The following PIAS1 variants were observed in gnomAD, a reference collection of about 807,000 sequenced individuals.
PIAS1 encodes the protein E3 SUMO-protein ligase PIAS1.
A neutral mutation model predicts 71.3 loss-of-function variants in PIAS1; 6 were observed. The ratio of observed to expected loss-of-function variants is 0.08; its 90% confidence interval spans 0.05 to 0.17. The LOEUF (loss-of-function observed/expected upper bound fraction) is 0.17. PIAS1 is among the 10% of genes least tolerant of loss of function. PIAS1 has a pLI of 1.00. For synonymous variants in PIAS1, 303 were observed against 292.9 expected, an observed-to-expected ratio of 1.03 and a Z score of -0.35; for missense variants, 555 against 793.6, an observed-to-expected ratio of 0.70 and a Z score of 3.61.
intron 2 of PIAS1, among the ~76,000 whole-genome samples, chr15:68,112,317 A>G (rs1185441114): frequency 6.6e-5 from 10 of 152,124 alleles, no homozygotes; most frequent in Non-Finnish European, 8.8e-5. Flanking sequence ...TAAAAAAACT[A>G]CTTTTCTCCT....
intron 2 of PIAS1, among the ~76,000 whole-genome samples, chr15:68,124,407 T>C (rs992695010): frequency 2.5e-5 from 1 of 40,140 alleles, no homozygotes. Context: ...TTGTTTTTTG[T>C]TTTTTTTTTT....
chr15:68,097,977 TATAGGGCTCTA>T (rs1354073287), intron 2 of PIAS1, among the ~76,000 whole-genome samples: 3 of 152,174 alleles, frequency 2.0e-5, no homozygotes, highest in Non-Finnish European at 4.4e-5. Context: ...TTTACATGAG[TATAGGGCTCTA>T]ATTTTATTTT....
intron 7 of PIAS1, among the ~76,000 whole-genome samples, chr15:68,160,338 A>AT (rs2092916942): frequency 6.6e-6 from 1 of 152,134 alleles, no homozygotes; most frequent in Non-Finnish European, 1.5e-5. Context: ...AGATATCGAA[A>AT]TATTCCAACA....
At chr15:68,176,404 G>C (rs532778957) in intron 10 of PIAS1, 70 bp from the exon 11 acceptor site, 2 of 1,014,188 alleles carry the variant, frequency 2.0e-6, no homozygotes, top group African/African-American at 3.3e-5. Flanking sequence ...CTGATAAACT[G>C]TAGTGACACT....
chr15:68,095,144 G>A (rs1195678704), intron 2 of PIAS1, among the ~76,000 whole-genome samples: 2 of 152,100 alleles, frequency 1.3e-5, no homozygotes, highest in East Asian at 3.9e-4. Flanking sequence ...GAGAGATTAA[G>A]GAGCCAAACA....
At chr15:68,088,176 G>GTGTGTGTATATATATATATATATA (rs150997979) in intron 2 of PIAS1, among the ~76,000 whole-genome samples, 9 of 72,990 alleles carry the variant, frequency 1.2e-4, no homozygotes, top group African/African-American at 5.6e-4. Flanking sequence ...TTATGTGTGT[G>GTGTGTGTATATATATATATATATA]TATATATATA....
chr15:68,131,273 A>G (rs1445273705), intron 2 of PIAS1, among the ~76,000 whole-genome samples: 1 of 152,160 alleles, frequency 6.6e-6, no homozygotes, highest in Non-Finnish European at 1.5e-5. Flanking sequence ...AAAATTATAG[A>G]TGTATATATT....
chr15:68,075,366 G>A (rs1308839165), intron 1 of PIAS1, among the ~76,000 whole-genome samples: 3 of 152,076 alleles, frequency 2.0e-5, no homozygotes, highest in Non-Finnish European at 1.5e-5. Flanking sequence ...GATTACAGGC[G>A]TGAGCCACTG....
rs144073868 is a variant in PIAS1, at chr15:68,145,500, G to A, written c.603-316G>A. Among the ~76,000 whole-genome samples the A allele has an allele frequency of 6.2e-4, 95 of 152,140 alleles. 3 individuals are homozygous for A. In the East Asian group the frequency reaches 0.017, roughly 27 times the overall value. On this transcript the variant is annotated intron_variant, in intron 4 of 13. Coordinates refer to ENST00000249636, the MANE Select transcript of PIAS1 (RefSeq NM_016166.3). ...AATTTCTTAATTTTATTTGACTAACGAGTCTTTTTTTCTTTTAACATCTGT... is the reference window on the plus strand; with the variant it reads ...AATTTCTTAATTTTATTTGACTAACAAGTCTTTTTTTCTTTTAACATCTGT...
At chr15:68,087,850 A>G in intron 2 of PIAS1, 1 of 362,878 alleles carries the variant, frequency 2.8e-6, no homozygotes, top group Non-Finnish European at 5.8e-6. Flanking sequence ...AGCAGAAATT[A>G]TCTGAATACA....
At chr15:68,085,004 T>C (rs969952996) in intron 1 of PIAS1, among the ~76,000 whole-genome samples, 1 of 152,212 alleles carries the variant, frequency 6.6e-6, no homozygotes, top group African/African-American at 2.4e-5. Flanking sequence ...GCTATATTGC[T>C]TATAAAGCTC....
In PIAS1 at chr15:68,185,703, C is replaced by G. The variant is rs906697285; in HGVS notation, c.1663-1839C>G. Among the ~76,000 whole-genome samples the G allele has an allele frequency of 1.3e-5, 2 of 151,862 alleles. No homozygotes were observed. The highest frequency in any genetic ancestry group is 2.9e-5 in the Non-Finnish European group (2 of 67,970). Reference sequence around the variant, plus strand: ...CCCTGGCTGGGCGCTGTGGCTTACACCTATAATCCCAGCACTTTGGGAGGC... The same window carrying G: ...CCCTGGCTGGGCGCTGTGGCTTACAGCTATAATCCCAGCACTTTGGGAGGC... On this transcript the variant is annotated intron_variant, in intron 13 of 13. Transcript: ENST00000249636. This position sits in a 1 kb window ranked among gnomAD's most constrained non-coding sequence, Gnocchi z 4.4.
intron 2 of PIAS1, among the ~76,000 whole-genome samples, chr15:68,104,869 T>C (rs2092456585): frequency 6.6e-6 from 1 of 152,192 alleles, no homozygotes; most frequent in Non-Finnish European, 1.5e-5. Context: ...TTTTCCCACA[T>C]TGCATAGTGA....
At chr15:68,075,078 C>CTTTTTTTTTTTTTT (rs146114696) in intron 1 of PIAS1, among the ~76,000 whole-genome samples, 1 of 81,784 alleles carries the variant, frequency 1.2e-5, no homozygotes, top group Admixed American at 1.4e-4. Context: ...TTCTTTCTTT[C>CTTTTTTTTTTTTTT]TTTTTTTTTT....
intron 1 of PIAS1, among the ~76,000 whole-genome samples, chr15:68,068,906 T>C (rs918906726): frequency 1.3e-5 from 2 of 149,210 alleles, no homozygotes; most frequent in South Asian, 4.3e-4. Context: ...TTTTTTTTTT[T>C]TTTTTTTGAG....
intron 12 of PIAS1, among the ~76,000 whole-genome samples, chr15:68,182,680 A>C (rs1047785830): frequency 6.6e-6 from 1 of 152,154 alleles, no homozygotes; most frequent in Non-Finnish European, 1.5e-5. Flanking sequence ...TTCGCTTCCC[A>C]AAGTGCTGGG....
intron 2 of PIAS1, among the ~76,000 whole-genome samples, chr15:68,135,726 C>G (rs2092728436): frequency 1.9e-5 from 1 of 53,460 alleles, no homozygotes. Flanking sequence ...CTCCTCACTT[C>G]CCAGACAGGG....
At chr15:68,133,086 C>G (rs972130875) in intron 2 of PIAS1, among the ~76,000 whole-genome samples, 2 of 151,546 alleles carry the variant, frequency 1.3e-5, no homozygotes, top group Admixed American at 6.6e-5. Context: ...GTCGTTGTCA[C>G]TTTAATGATG....
chr15:68,054,412 G>A lies in PIAS1; in HGVS notation c.24+62G>A, dbSNP rs2091871506. 6.6e-7 allele frequency: 1 copy of A among 1,523,956 alleles called. No individual in the cohort carries two copies. Among genetic ancestry groups the A allele is most frequent in the Non-Finnish European group, 8.9e-7 (1 of 1,123,902 alleles). 94.4% of individuals were successfully genotyped at this position (1,523,956 alleles called of 1,614,324 possible). ...CGCGGAGACGGCGCCGCTGCTGCCA[G>A]GGGGGATGGGTCCGACCCTGGGGGG... On this transcript the variant is annotated intron_variant, in intron 1 of 13. Coordinates refer to ENST00000249636, the MANE Select transcript of PIAS1 (RefSeq NM_016166.3). The surrounding 1 kb of genome is among the most constrained non-coding windows in gnomAD (Gnocchi z 4.6).
Sources: allele counts gnomAD v4.1 joint callset (sites outside exome capture counted in the v4.1 genomes callset), GRCh38; gene constraint gnomAD v4.1.1; non-coding constraint Gnocchi (gnomAD v3.1); transcripts MANE v1.5; gene names NCBI Gene and HGNC (gene_info 2026-07-23, HGNC 2026-07-21).